The following ADARB2 variants were observed in gnomAD, a reference collection of about 807,000 sequenced individuals.
The protein encoded by ADARB2 is inactive double-stranded RNA-specific editase B2.
In ADARB2, 25 loss-of-function variants were observed where a neutral mutation model predicts 62.2. The observed-to-expected ratio is 0.40, with a 90% confidence interval of 0.29 to 0.56. ADARB2 has a LOEUF of 0.56. Among genes scored for constraint, ADARB2 ranks in the 20% least tolerant of loss-of-function variants. The pLI, the probability that ADARB2 is intolerant of heterozygous loss-of-function variation, is 0.43. For missense variants in ADARB2, 1,071 were observed against 1,077.4 expected, an observed-to-expected ratio of 0.99 and a Z score of 0.08; for synonymous variants, 572 against 500.8, an observed-to-expected ratio of 1.14 and a Z score of -1.90.
At chr10:1,325,115 A>G (rs866730399) in intron 3 of ADARB2, among the ~76,000 whole-genome samples, 72 of 152,328 alleles carry the variant, frequency 4.7e-4, no homozygotes, top group Admixed American at 1.7e-3. Context: ...ACTCTTGGGA[A>G]GGGAAGCTAC....
At chr10:1,264,533 C>T (rs1051937179) in intron 4 of ADARB2, among the ~76,000 whole-genome samples, 2 of 152,176 alleles carry the variant, frequency 1.3e-5, no homozygotes, top group Admixed American at 6.5e-5. Flanking sequence ...TCTGGTACAA[C>T]ACAATAACAC....
At chr10:1,574,876 G>A (rs1231998710) in intron 1 of ADARB2, among the ~76,000 whole-genome samples, 2 of 152,210 alleles carry the variant, frequency 1.3e-5, no homozygotes, top group African/African-American at 4.8e-5. Context: ...GGCTATGTTG[G>A]CAGAGTGGAG....
rs782182369 is a variant in ADARB2, at chr10:1,266,511, T to TGG, written c.1192+4442_1192+4443dup. 2.6e-3 allele frequency among the ~76,000 whole-genome samples: 334 copies of TGG among 128,512 alleles called. 4 individuals are homozygous for TGG. Among genetic ancestry groups the TGG allele is most frequent in the African/African-American group, 9.2e-3 (294 of 31,880 alleles). 84.3% of individuals were successfully genotyped at this position (128,512 alleles called of 152,430 possible). On this transcript the variant is annotated intron_variant, in intron 4 of 9. Coordinates refer to ENST00000381312, the MANE Select transcript of ADARB2 (RefSeq NM_018702.4). ...ACCTCATTGGCGCTGTGGTGGGGGG[T>TGG]GGGGGGGGGGCCGTGCCCACAAATC...
intron 1 of ADARB2, among the ~76,000 whole-genome samples, chr10:1,446,400 A>G (rs1303887756): frequency 6.6e-6 from 1 of 152,264 alleles, no homozygotes; most frequent in Non-Finnish European, 1.5e-5. Context: ...GCTATGTTAC[A>G]TGCACCTGTT....
chr10:1,320,862 C>T (rs1831788614), intron 3 of ADARB2, among the ~76,000 whole-genome samples: 1 of 152,086 alleles, frequency 6.6e-6, no homozygotes, highest in Non-Finnish European at 1.5e-5. Context: ...TGTAATAAAA[C>T]ATTTTGGAGG....
At chr10:1,587,318 G>T (rs1441179017) in intron 1 of ADARB2, among the ~76,000 whole-genome samples, 1 of 152,166 alleles carries the variant, frequency 6.6e-6, no homozygotes, top group East Asian at 1.9e-4. Flanking sequence ...ACCCTCAGGG[G>T]TTCCTCCAGC....
rs534886607 is a variant in ADARB2, at chr10:1,436,995, C to T, written c.101-57835G>A. ...ATAAATACAATTGCAAGAATCAACA[C>T]ATTCTGTTCACCTGAAGGAGCCTGT... On this transcript the variant is annotated intron_variant, in intron 1 of 9. Coordinates refer to ENST00000381312, the MANE Select transcript of ADARB2 (RefSeq NM_018702.4). Among the ~76,000 whole-genome samples the T allele has an allele frequency of 6.6e-5, 10 of 152,252 alleles. No homozygotes were observed. In the East Asian group the frequency reaches 1.9e-3, roughly 29 times the overall value.
intron 6 of ADARB2, among the ~76,000 whole-genome samples, chr10:1,230,369 C>T (rs986933138): frequency 6.6e-6 from 1 of 152,114 alleles, no homozygotes; most frequent in South Asian, 2.1e-4. Context: ...CAGCTCCCGC[C>T]GCCAGCCTTT....
intron 2 of ADARB2, among the ~76,000 whole-genome samples, chr10:1,367,166 GTTC>G (rs1832320746): frequency 6.6e-6 from 1 of 152,222 alleles, no homozygotes; most frequent in Admixed American, 6.5e-5. Flanking sequence ...ATTGGAGAAT[GTTC>G]TTCTCACGTT....
chr10:1,211,254 TATC>T (rs993183638), intron 7 of ADARB2, among the ~76,000 whole-genome samples: 1 of 152,242 alleles, frequency 6.6e-6, no homozygotes. Context: ...TGTCATCTGT[TATC>T]ATCTATCATC....
At chr10:1,582,361 C>A (rs996288285) in intron 1 of ADARB2, among the ~76,000 whole-genome samples, 4 of 152,190 alleles carry the variant, frequency 2.6e-5, no homozygotes, top group Non-Finnish European at 4.4e-5. Flanking sequence ...GTCTGCCCAG[C>A]ACTGACCCAC....
chr10:1,234,649 C>T (rs1048477067), intron 5 of ADARB2, among the ~76,000 whole-genome samples: 9 of 150,472 alleles, frequency 6.0e-5, no homozygotes, highest in African/African-American at 2.2e-4. Flanking sequence ...GCTTTGTTGC[C>T]CCGAGTGGTC....
chr10:1,717,032 T>A lies in ADARB2; in HGVS notation c.100+20019A>T, dbSNP rs17156815. Among the ~76,000 whole-genome samples, 2,478 of 151,972 alleles carry A rather than the reference T, an allele frequency of 0.016. 143 individuals are homozygous for A. The East Asian group carries it at 0.18, about 11-fold the overall frequency. On this transcript the variant is annotated intron_variant, in intron 1 of 9. Transcript: ENST00000381312. ...TGTTATTCTGATCACGTTATTCTGA[T>A]CACATTATTCTGATCACAAGTTATT...
chr10:1,573,235 G>T (rs772096793), intron 1 of ADARB2, among the ~76,000 whole-genome samples: 1 of 152,198 alleles, frequency 6.6e-6, no homozygotes, highest in Admixed American at 6.5e-5. Flanking sequence ...TGAGCCAGGG[G>T]ACCAGGGCTC....
intron 6 of ADARB2, among the ~76,000 whole-genome samples, chr10:1,231,310 C>T (rs988531616): frequency 7.2e-5 from 11 of 152,172 alleles, no homozygotes; most frequent in Admixed American, 2.0e-4. Context: ...AAAGATAATT[C>T]CCAGTAGCTG....
chr10:1,248,621 A>C lies in ADARB2; in HGVS notation c.1193-6322T>G, dbSNP rs558127668. ...CCAGGATGGGGCGGCTGTGGTGCCA[A>C]CAGCATTTACTCCAATCCTTCCAAT... On this transcript the variant is annotated intron_variant, in intron 4 of 9. Coordinates refer to ENST00000381312, the MANE Select transcript of ADARB2 (RefSeq NM_018702.4). Among the ~76,000 whole-genome samples, 3 of 152,360 alleles carry C rather than the reference A, an allele frequency of 2.0e-5. No individual in the cohort carries two copies. The South Asian group carries it at 6.2e-4, about 32-fold the overall frequency.
intron 1 of ADARB2, among the ~76,000 whole-genome samples, chr10:1,607,000 G>A (rs941484206): frequency 2.6e-5 from 4 of 152,158 alleles, no homozygotes; most frequent in Non-Finnish European, 5.9e-5. Context: ...CTGCCAAAAG[G>A]AGTGAGGATT....
At chr10:1,675,670 G>C (rs1192350716) in intron 1 of ADARB2, among the ~76,000 whole-genome samples, 1 of 152,018 alleles carries the variant, frequency 6.6e-6, no homozygotes, top group Non-Finnish European at 1.5e-5. Flanking sequence ...TGGAGGTTTG[G>C]GTTTGGGGGT....
chr10:1,601,145 T>C (rs4497332), intron 1 of ADARB2, among the ~76,000 whole-genome samples: 56,282 of 152,154 alleles, frequency 0.37, 11,010 homozygotes, highest in African/African-American at 0.48. Flanking sequence ...AGTTTGCCTG[T>C]TCCCGTCCTC....
Sources: allele counts gnomAD v4.1 joint callset (sites outside exome capture counted in the v4.1 genomes callset), GRCh38; gene constraint gnomAD v4.1.1; transcripts MANE v1.5; gene names NCBI Gene and HGNC (gene_info 2026-07-23, HGNC 2026-07-21).